Variants in STXBP5L observed in about 807,000 individuals in gnomAD.
The protein encoded by STXBP5L is syntaxin-binding protein 5-like.
In STXBP5L, 65 loss-of-function variants were observed where a neutral mutation model predicts 144.5. The observed-to-expected ratio is 0.45, with a 90% CI of 0.37 to 0.55. STXBP5L has a LOEUF of 0.55. STXBP5L is among the 20% of genes least tolerant of loss of function. The pLI is 0.00. For synonymous variants in STXBP5L, 505 were observed against 469.6 expected, an observed-to-expected ratio of 1.08 and a Z score of -0.97; for missense variants, 1,298 against 1,405.5, an observed-to-expected ratio of 0.92 and a Z score of 1.22.
rs1362265813 is a variant in STXBP5L, at chr3:121,423,920, T to C, written c.*4823T>C. 6.6e-6 allele frequency: 1 copy of C among 152,250 alleles called. No homozygotes were observed. The highest frequency in any genetic ancestry group is 6.5e-5 in the Admixed American group (1 of 15,286). 9.4% of individuals were successfully genotyped at this position (152,250 alleles called of 1,614,324 possible). A position where few individuals can be genotyped will look rare whatever the true frequency, so the allele number is the denominator to read the frequency against. On this transcript the variant is annotated 3_prime_UTR_variant, in exon 27 of 27. Transcript: ENST00000471454. The stretch of plus-strand genomic sequence containing the variant: ...ACTCTTAATAATCATCTTTGTGATA[T>C]TCTCCTATGTGACTTGTCCATCAAT...
intron 22 of STXBP5L, among the ~76,000 whole-genome samples, chr3:121,384,352 T>G (rs2108687490): frequency 6.6e-6 from 1 of 152,218 alleles, no homozygotes; most frequent in Non-Finnish European, 1.5e-5. Context: ...GGAGGAAGTG[T>G]ACAGTACTGG....
chr3:121,332,045 A>G (rs1184561902), intron 20 of STXBP5L, among the ~76,000 whole-genome samples: 1 of 150,198 alleles, frequency 6.7e-6, no homozygotes, highest in Non-Finnish European at 1.5e-5. Flanking sequence ...AACTGTAATC[A>G]TTAAAGTCAC....
chr3:121,336,918 C>A (rs2044526355), intron 20 of STXBP5L, among the ~76,000 whole-genome samples: 1 of 152,076 alleles, frequency 6.6e-6, no homozygotes, highest in Non-Finnish European at 1.5e-5. Context: ...TACCACACAG[C>A]CATAAAAAAG....
chr3:120,961,197 GTT>G (rs138331318), intron 3 of STXBP5L, among the ~76,000 whole-genome samples: 3 of 144,304 alleles, frequency 2.1e-5, no homozygotes, highest in African/African-American at 7.6e-5. Context: ...ATTTTATTTA[GTT>G]TTTTTTTTCC....
chr3:121,045,253 C>T (rs932338761), intron 4 of STXBP5L, among the ~76,000 whole-genome samples, 182 bp from the exon 5 acceptor site: 1 of 152,124 alleles, frequency 6.6e-6, no homozygotes, highest in Non-Finnish European at 1.5e-5. Context: ...TCAGTTGCCT[C>T]TTCTACTTTC....
intron 3 of STXBP5L, among the ~76,000 whole-genome samples, chr3:120,973,294 C>T (rs1940497480): frequency 6.6e-6 from 1 of 151,978 alleles, no homozygotes; most frequent in South Asian, 2.1e-4. Flanking sequence ...CTAGTTCAAT[C>T]TCGGGCAGTT....
chr3:121,335,509 A>C (rs1044233140), intron 20 of STXBP5L, among the ~76,000 whole-genome samples: 15 of 152,188 alleles, frequency 9.9e-5, no homozygotes, highest in African/African-American at 3.6e-4. Flanking sequence ...TTAATCAAAA[A>C]AGAACAAAAC....
chr3:121,178,726 T>A (rs908907384), intron 9 of STXBP5L, among the ~76,000 whole-genome samples: 1 of 151,932 alleles, frequency 6.6e-6, no homozygotes. Flanking sequence ...TGGTGCAAAA[T>A]ATGAAAGTAG....
chr3:121,210,627 C>T (rs1440125578), intron 10 of STXBP5L, among the ~76,000 whole-genome samples: 1 of 152,002 alleles, frequency 6.6e-6, no homozygotes. Flanking sequence ...AGTAAGGGAT[C>T]CAGTTTCAGG....
intron 20 of STXBP5L, among the ~76,000 whole-genome samples, chr3:121,332,592 A>G (rs991775627): frequency 1.3e-5 from 2 of 152,080 alleles, no homozygotes; most frequent in African/African-American, 4.8e-5. Flanking sequence ...AAAAAAATGA[A>G]CAAAGTCTCC....
At chr3:121,018,984 GC>G (rs1211262083) in intron 3 of STXBP5L, among the ~76,000 whole-genome samples, 1 of 152,178 alleles carries the variant, frequency 6.6e-6, no homozygotes, top group Non-Finnish European at 1.5e-5. Context: ...CAGATTCTCA[GC>G]CCTGCTCACC....
chr3:121,202,182 T>G (rs1347215939), intron 9 of STXBP5L, among the ~76,000 whole-genome samples: 1 of 152,166 alleles, frequency 6.6e-6, no homozygotes, highest in Non-Finnish European at 1.5e-5. Context: ...CTTTTAAGAA[T>G]GTTGACAAAA....
chr3:121,353,863 A>G (rs573126805), intron 20 of STXBP5L, among the ~76,000 whole-genome samples: 4 of 152,310 alleles, frequency 2.6e-5, no homozygotes, highest in African/African-American at 9.6e-5. Flanking sequence ...AATGTGTCCC[A>G]GAGATTCTGG....
chr3:121,380,540 T>C (rs2046299487), intron 21 of STXBP5L, among the ~76,000 whole-genome samples: 1 of 152,004 alleles, frequency 6.6e-6, no homozygotes, highest in Non-Finnish European at 1.5e-5. Context: ...TTTATGCTTA[T>C]TGGAGCGTGC....
chr3:121,235,852 C>T (rs1035240729), intron 12 of STXBP5L, among the ~76,000 whole-genome samples: 2 of 151,796 alleles, frequency 1.3e-5, no homozygotes, highest in Admixed American at 1.3e-4. Flanking sequence ...TACACACACA[C>T]ACACACACAC....
intron 9 of STXBP5L, among the ~76,000 whole-genome samples, chr3:121,172,565 C>T (rs991982332): frequency 4.6e-5 from 7 of 152,246 alleles, no homozygotes; most frequent in Middle Eastern, 3.4e-3. Flanking sequence ...ATGCAGCCAA[C>T]AAACATATGA....
At chr3:120,943,628 A>G (rs1339520958) in intron 2 of STXBP5L, among the ~76,000 whole-genome samples, 4 of 151,700 alleles carry the variant, frequency 2.6e-5, no homozygotes, top group Non-Finnish European at 4.4e-5. Context: ...ACCTATATTT[A>G]TAAGTCTTCA....
intron 3 of STXBP5L, among the ~76,000 whole-genome samples, chr3:121,006,624 T>G (rs1944332159): frequency 6.6e-6 from 1 of 152,226 alleles, no homozygotes; most frequent in African/African-American, 2.4e-5. Context: ...GCTTGTTAGT[T>G]GATACAGTTT....
In STXBP5L at chr3:121,327,099, TACA is replaced by T. The variant is rs371913516; in HGVS notation, c.2176+8563_2176+8565del. On this transcript the variant is annotated intron_variant, in intron 20 of 26. Transcript: ENST00000471454. ...CTGACTGAGACTTATTTGTAGCCAA[TACA>T]ACATCCTTATGATGAACCAGGCTGC... Among the ~76,000 whole-genome samples, 381 of 152,232 alleles carry T rather than the reference TACA, an allele frequency of 2.5e-3. 2 individuals are homozygous for T. Among genetic ancestry groups the T allele is most frequent in the African/African-American group, 8.6e-3 (358 of 41,570 alleles).
Sources: gnomAD v4.1 joint callset for allele counts (sites outside exome capture counted in the v4.1 genomes callset) on GRCh38, gnomAD v4.1.1 for gene constraint, MANE v1.5 for transcripts, NCBI Gene and HGNC (gene_info 2026-07-23, HGNC 2026-07-21) for gene names.